Variants in VEPH1 observed in about 807,000 individuals in gnomAD.
The protein encoded by VEPH1 is ventricular zone-expressed PH domain-containing protein homolog 1.
VEPH1 carries 80 observed loss-of-function variants against 85.2 expected under a neutral mutation model. The ratio of observed to expected loss-of-function variants is 0.94; its 90% confidence interval spans 0.78 to 1.13. The LOEUF (loss-of-function observed/expected upper bound fraction) is 1.13. VEPH1 is among the 50% of genes most tolerant of loss of function. VEPH1 has a pLI of 0.00. For synonymous variants in VEPH1, 297 were observed against 348.0 expected, an observed-to-expected ratio of 0.85 and a Z score of 1.63; for missense variants, 955 against 980.5, an observed-to-expected ratio of 0.97 and a Z score of 0.35.
chr3:157,477,591 T>A (rs1349206806), intron 2 of VEPH1, among the ~76,000 whole-genome samples: 1 of 152,012 alleles, frequency 6.6e-6, no homozygotes, highest in Non-Finnish European at 1.5e-5. Context: ...AGTATAAACA[T>A]CTTTTTTATC....
chr3:157,277,310 G>A (rs899158163), intron 12 of VEPH1, among the ~76,000 whole-genome samples: 1 of 152,192 alleles, frequency 6.6e-6, no homozygotes, highest in African/African-American at 2.4e-5. Flanking sequence ...ATGGGATCTG[G>A]CCATAGGACT....
intron 4 of VEPH1, among the ~76,000 whole-genome samples, chr3:157,445,852 AC>A (rs1734507136): frequency 1.3e-5 from 2 of 152,220 alleles, no homozygotes; most frequent in Non-Finnish European, 2.9e-5. Context: ...TCTCCCTAAA[AC>A]ACCCATAACC....
intron 9 of VEPH1, among the ~76,000 whole-genome samples, chr3:157,343,469 T>C (rs1226034185): frequency 1.3e-5 from 2 of 152,242 alleles, no homozygotes; most frequent in African/African-American, 4.8e-5. Flanking sequence ...CTCCCAAGAC[T>C]AAACCAGGAA....
At chr3:157,279,982 C>T (rs1248201541) in intron 12 of VEPH1, among the ~76,000 whole-genome samples, 1 of 145,666 alleles carries the variant, frequency 6.9e-6, no homozygotes, top group East Asian at 2.1e-4. Context: ...TGCCACTGCA[C>T]TCCAGCCTGG....
At position 157,483,531 on chromosome 3, in the gene VEPH1, T is replaced by C. The variant is rs1164484661; in HGVS notation, c.138+11681A>G. 2.0e-5 allele frequency among the ~76,000 whole-genome samples: 3 copies of C among 152,172 alleles called. 1 individual carries two copies. Among genetic ancestry groups the C allele is most frequent in the African/African-American group, 7.2e-5 (3 of 41,464 alleles). On this transcript the variant is annotated intron_variant, in intron 2 of 13. Transcript: ENST00000362010. ...ATCAATGTATAAAGAATAATTATTT[T>C]TATTTTAAAAGACCAAGTCACTTTT...
At chr3:157,392,679 G>A (rs1729979033) in intron 6 of VEPH1, among the ~76,000 whole-genome samples, 1 of 152,152 alleles carries the variant, frequency 6.6e-6, no homozygotes, top group South Asian at 2.1e-4. Flanking sequence ...TTTGTGTTGG[G>A]CTGCATTCAA....
chr3:157,473,581 C>G (rs1313996166), intron 2 of VEPH1, among the ~76,000 whole-genome samples: 5 of 152,180 alleles, frequency 3.3e-5, no homozygotes, highest in East Asian at 3.9e-4. Flanking sequence ...AGAATGCTAG[C>G]TTAGTTCCTA....
intron 4 of VEPH1, among the ~76,000 whole-genome samples, chr3:157,430,189 A>G (rs888467363): frequency 5.9e-5 from 9 of 152,208 alleles, no homozygotes; most frequent in African/African-American, 1.9e-4. Context: ...TTTTCTCCCC[A>G]GAGGCAACCA....
intron 11 of VEPH1, among the ~76,000 whole-genome samples, chr3:157,291,674 T>C (rs1365860392): frequency 6.6e-6 from 1 of 152,222 alleles, no homozygotes; most frequent in African/African-American, 2.4e-5. Flanking sequence ...CTTCTTCTGG[T>C]GTGATGTTTT....
chr3:157,414,721 C>A (rs930145948), intron 5 of VEPH1, among the ~76,000 whole-genome samples: 5 of 151,946 alleles, frequency 3.3e-5, no homozygotes, highest in Admixed American at 2.0e-4. Flanking sequence ...AAATGGAATT[C>A]TTTTGTGGAA....
chr3:157,279,312 G>A (rs141973939), intron 12 of VEPH1, among the ~76,000 whole-genome samples: 184 of 152,276 alleles, frequency 1.2e-3, no homozygotes, highest in African/African-American at 4.3e-3. Context: ...ATTGGTTTAC[G>A]GAATGGAATA....
rs528835123 is a variant in VEPH1, at chr3:157,451,944, G to A, written c.529+8237C>T. ...GAAAAGTGTAAAGAATTAAAAGTAA[G>A]TACTTGCATAAGACAAAAAGCCTGC... is the stretch of plus-strand genomic sequence containing the variant. On this transcript the variant is annotated intron_variant, in intron 4 of 13. Transcript: ENST00000362010. Among the ~76,000 whole-genome samples the A allele has an allele frequency of 2.6e-4, 40 of 152,278 alleles. 1 individual carries two copies. Among genetic ancestry groups the A allele is most frequent in the African/African-American group, 8.7e-4 (36 of 41,560 alleles).
intron 3 of VEPH1, among the ~76,000 whole-genome samples, chr3:157,467,832 A>G (rs905175945): frequency 6.6e-6 from 1 of 152,212 alleles, no homozygotes; most frequent in African/African-American, 2.4e-5. Flanking sequence ...GCTTCCCAAA[A>G]TATCAACCCT....
intron 12 of VEPH1, among the ~76,000 whole-genome samples, chr3:157,271,707 A>T (rs576627541): frequency 6.6e-5 from 10 of 152,280 alleles, no homozygotes; most frequent in Non-Finnish European, 1.3e-4. Context: ...GCCAGAGCTA[A>T]AAGAGCCTAT....
At chr3:157,308,281 C>A (rs1279425214) in intron 11 of VEPH1, among the ~76,000 whole-genome samples, 1 of 151,896 alleles carries the variant, frequency 6.6e-6, no homozygotes, top group East Asian at 1.9e-4. Flanking sequence ...TGACAGGTAT[C>A]CTTGTTTAAT....
At chr3:157,407,219 G>A (rs930050127) in intron 6 of VEPH1, among the ~76,000 whole-genome samples, 1 of 152,050 alleles carries the variant, frequency 6.6e-6, no homozygotes, top group Non-Finnish European at 1.5e-5. Flanking sequence ...CATCAACCTA[G>A]TTTGGGTTTA....
At chr3:157,392,177 A>G (rs1044690811) in intron 6 of VEPH1, among the ~76,000 whole-genome samples, 12 of 152,188 alleles carry the variant, frequency 7.9e-5, no homozygotes, top group African/African-American at 2.9e-4. Context: ...AGAAACAACA[A>G]AGCAACCAGC....
chr3:157,444,144 A>G (rs1207123867), intron 4 of VEPH1, among the ~76,000 whole-genome samples: 4 of 152,170 alleles, frequency 2.6e-5, no homozygotes, highest in Admixed American at 6.5e-5. Context: ...TGTAGATTCT[A>G]TGTGAGGGCT....
chr3:157,360,873 C>CTATTTA (rs1215038724), intron 9 of VEPH1, among the ~76,000 whole-genome samples: 1 of 152,088 alleles, frequency 6.6e-6, no homozygotes, highest in East Asian at 1.9e-4. Context: ...TAGCTCAAGG[C>CTATTTA]AATAAGAAAT....
Sources: gnomAD v4.1 joint callset for allele counts (sites outside exome capture counted in the v4.1 genomes callset) on GRCh38, gnomAD v4.1.1 for gene constraint, MANE v1.5 for transcripts, NCBI Gene and HGNC (gene_info 2026-07-23, HGNC 2026-07-21) for gene names.